Variants in ADAMTS10 observed in about 807,000 individuals in gnomAD.
ADAMTS10 encodes ADAM metallopeptidase with thrombospondin type 1 motif 10.
In ADAMTS10, 48 loss-of-function variants were observed where a neutral mutation model predicts 135.9. The ratio of observed to expected loss-of-function variants is 0.35; its 90% CI spans 0.28 to 0.45. The LOEUF (loss-of-function observed/expected upper bound fraction) is 0.45. ADAMTS10 is among the 20% of genes least tolerant of loss of function. The probability of loss-of-function intolerance (pLI) is 1.00; values close to 1 mark genes in which losing one functional copy is unlikely to be tolerated. For synonymous variants in ADAMTS10, 621 were observed against 647.5 expected (o/e 0.96, Z 0.62); for missense variants, 1,131 against 1,565.2 (o/e 0.72, Z 4.68).
rs375856165 is a variant in ADAMTS10 at position 8,596,435 on chromosome 19, A to T, written c.1085-23T>A. Reference sequence around the variant, plus strand: ...GGCCTGGGAAGACGGACATGTGGGGATGGGGCTGGGAGGCTCAGGACGGTG... The same window carrying T: ...GGCCTGGGAAGACGGACATGTGGGGTTGGGGCTGGGAGGCTCAGGACGGTG... On this transcript the variant is annotated intron_variant, in intron 9 of 25. Transcript: ENST00000597188. This position sits in a 1 kb window ranked among gnomAD's most constrained non-coding sequence, Gnocchi z 7.2. 1.7e-5 allele frequency: 27 copies of T among 1,613,600 alleles called. No individual in the cohort carries two copies. The East Asian group carries it at 2.5e-4, about 15-fold the overall frequency.
intron 15 of ADAMTS10, 117 bp downstream of exon 15, chr19:8,591,682 CG>C: frequency 8.2e-7 from 1 of 1,215,910 alleles, no homozygotes; most frequent in Non-Finnish European, 1.2e-6. Context: ...CCTCGTGATC[CG>C]CCTGCCTTGG....
intron 1 of ADAMTS10, among the ~76,000 whole-genome samples, chr19:8,609,903 TCA>T (rs1363464006): frequency 2.7e-5 from 4 of 147,808 alleles, no homozygotes; most frequent in Non-Finnish European, 4.5e-5. Context: ...CAGTGCACAC[TCA>T]CACACCCGGA....
In ADAMTS10 at chr19:8,580,841, A is replaced by C. The variant is rs1446092190; in HGVS notation, c.*52T>G. Reference sequence around the variant, plus strand: ...GGGCCCCCTCTGGCCGGCCCGCTGCAGGGCTGGCGGCGGAGACCCCGCCAG... The same window carrying C: ...GGGCCCCCTCTGGCCGGCCCGCTGCCGGGCTGGCGGCGGAGACCCCGCCAG... On this transcript the variant is annotated 3_prime_UTR_variant, in exon 26 of 26. Transcript: ENST00000597188. 3 of 1,454,222 alleles carry C rather than the reference A, an allele frequency of 2.1e-6. No homozygotes were observed. Among genetic ancestry groups the C allele is most frequent in the Non-Finnish European group, 2.8e-6 (3 of 1,062,120 alleles). 90.1% of individuals were successfully genotyped at this position (1,454,222 alleles called of 1,614,324 possible).
chr19:8,599,560 A>G (rs1475579965), intron 6 of ADAMTS10, among the ~76,000 whole-genome samples: 1 of 151,798 alleles, frequency 6.6e-6, no homozygotes, highest in East Asian at 1.9e-4. Flanking sequence ...TGAACTCCTG[A>G]CCTCAGGTGA....
chr19:8,585,075 G>T (rs913103751), intron 24 of ADAMTS10, 21 bp from the exon 25 acceptor site: 12 of 1,448,466 alleles, frequency 8.3e-6, no homozygotes, highest in Non-Finnish European at 1.1e-5. Context: ...GCACCACTCA[G>T]TTGCTGCCCC....
chr19:8,593,866 A>G (rs1161188485), intron 12 of ADAMTS10, among the ~76,000 whole-genome samples: 1 of 152,142 alleles, frequency 6.6e-6, no homozygotes, highest in East Asian at 1.9e-4. Context: ...CAATTCTTGT[A>G]AGCTTTCCAG....
chr19:8,605,571 G>T lies in ADAMTS10; in HGVS notation c.88+52C>A. ...GCCTCTTTCTGTTGGAGCCCAACTG[G>T]TCTCTTACATTTTTCGCTCCCTCCC... On this transcript the variant is annotated intron_variant, in intron 3 of 25. Coordinates refer to ENST00000597188, the MANE Select transcript of ADAMTS10 (RefSeq NM_030957.4). The surrounding 1 kb of genome is among the most constrained non-coding windows in gnomAD (Gnocchi z 7.7). The T allele has an allele frequency of 6.3e-7, 1 of 1,588,664 alleles. No individual in the cohort carries two copies. The highest frequency in any genetic ancestry group is 8.6e-7 in the Non-Finnish European group (1 of 1,167,906).
At chr19:8,587,156 T>C (rs2042444582) in intron 18 of ADAMTS10, among the ~76,000 whole-genome samples, 2 of 151,528 alleles carry the variant, frequency 1.3e-5, no homozygotes, top group South Asian at 4.2e-4. Context: ...TCTTTCTTTC[T>C]TTCTTTCTTT....
intron 20 of ADAMTS10, 34 bp from the exon 21 acceptor site, chr19:8,586,504 C>T (rs1489425083): frequency 1.2e-6 from 2 of 1,613,168 alleles, no homozygotes; most frequent in East Asian, 4.5e-5. Flanking sequence ...GTGGAAGGAT[C>T]GCATGGAGTC....
At chr19:8,609,887 C>G (rs1393753458) in intron 1 of ADAMTS10, among the ~76,000 whole-genome samples, 1 of 151,984 alleles carries the variant, frequency 6.6e-6, no homozygotes, top group Admixed American at 6.6e-5. Context: ...CACACGCCGA[C>G]AGGCTCAGTG....
At chr19:8,589,838 C>T in intron 16 of ADAMTS10, 51 bp downstream of exon 16, 3 of 1,563,024 alleles carry the variant, frequency 1.9e-6, no homozygotes, top group Non-Finnish European at 2.6e-6. Context: ...CTGCTGGACA[C>T]TCCCACGGCT....
At chr19:8,608,510 T>C (rs1451817694) in intron 1 of ADAMTS10, among the ~76,000 whole-genome samples, 29 of 152,218 alleles carry the variant, frequency 1.9e-4, no homozygotes, top group Non-Finnish European at 5.9e-5. Context: ...CCCTTCCTGG[T>C]TGGGCACCTC....
chr19:8,598,548 G>A (rs893066733), intron 6 of ADAMTS10, among the ~76,000 whole-genome samples: 32 of 146,406 alleles, frequency 2.2e-4, no homozygotes, highest in Non-Finnish European at 4.0e-4. Flanking sequence ...TCATTTCCCC[G>A]TCTGGAAATC....
intron 13 of ADAMTS10, among the ~76,000 whole-genome samples, 160 bp downstream of exon 13, chr19:8,592,603 C>A (rs1386815632): frequency 6.6e-6 from 1 of 151,534 alleles, no homozygotes; most frequent in South Asian, 2.1e-4. Context: ...CGGGAAGGAG[C>A]AAGCAGTAGG....
chr19:8,583,009 C>G (rs1468904952), intron 25 of ADAMTS10, among the ~76,000 whole-genome samples: 1 of 152,176 alleles, frequency 6.6e-6, no homozygotes, highest in Non-Finnish European at 1.5e-5. Flanking sequence ...GTCTCCAACT[C>G]CTGGGCTCAG....
chr19:8,608,585 G>C (rs946220661), intron 1 of ADAMTS10, among the ~76,000 whole-genome samples: 11 of 152,078 alleles, frequency 7.2e-5, no homozygotes, highest in Admixed American at 4.6e-4. Context: ...AAGTGAAGCA[G>C]GGACCTCACC....
intron 6 of ADAMTS10, among the ~76,000 whole-genome samples, chr19:8,600,002 T>C (rs782495247): frequency 6.4e-4 from 97 of 151,108 alleles, no homozygotes; most frequent in Non-Finnish European, 1.1e-3. Context: ...GCCCGGCTAA[T>C]GTTTTGTATT....
At position 8,589,564 on chromosome 19, in the gene ADAMTS10, A is replaced by T; in HGVS notation, c.1922T>A (p.Leu641His). ...GTTGAAGCCTTCCGCTAGGCACGTGAGCGAGCAGGCCTTCACGCCCCCTGG... is the reference window on the plus strand; with the variant it reads ...GTTGAAGCCTTCCGCTAGGCACGTGTGCGAGCAGGCCTTCACGCCCCCTGG... ...YRGGGVKACSLTCLAEGFNFY... is the reference protein window; with the variant it reads ...YRGGGVKACSHTCLAEGFNFY... Residue 641 changes from leucine (L) to histidine (H), a missense_variant, in exon 17 of 26, where the codon CTC becomes CAC. Leu to His is a moderately conservative substitution (Grantham distance 99). This residue lies in a region of ADAMTS10 where 745 missense variants were observed against 1,056.3 expected (regional missense o/e 0.71). Transcript: ENST00000597188. The T allele has an allele frequency of 6.2e-7, 1 of 1,613,392 alleles. No individual in the cohort carries two copies. Among genetic ancestry groups the T allele is most frequent in the Non-Finnish European group, 8.5e-7 (1 of 1,179,952 alleles).
chr19:8,595,379 A>T (rs2042590265), intron 12 of ADAMTS10, among the ~76,000 whole-genome samples: 1 of 152,150 alleles, frequency 6.6e-6, no homozygotes, highest in South Asian at 2.1e-4. Flanking sequence ...AAGATGGCTC[A>T]TCCCCAGGGA....
Sources: gnomAD v4.1 joint callset for allele counts (sites outside exome capture counted in the v4.1 genomes callset) on GRCh38, gnomAD v4.1.1 for gene constraint, gnomAD v4.1.1 regional missense constraint, Gnocchi (gnomAD v3.1) non-coding constraint, MANE v1.5 for transcripts, NCBI Gene and HGNC (gene_info 2026-07-23, HGNC 2026-07-21) for gene names.